Variants in TNFRSF8 observed in about 807,000 individuals in gnomAD.
The protein encoded by TNFRSF8 is tumor necrosis factor receptor superfamily member 8.
Under a neutral mutation model 70.8 loss-of-function variants are expected in TNFRSF8, and 26 were observed. That is an observed-to-expected ratio of 0.37 (90% CI 0.27 to 0.51). TNFRSF8 has a LOEUF of 0.51. Among genes scored for constraint, TNFRSF8 ranks in the 20% least tolerant of loss-of-function variants. The pLI is 0.94. For missense variants in TNFRSF8, 720 were observed against 807.9 expected (o/e 0.89, Z 1.32); for synonymous variants, 356 against 339.2 (o/e 1.05, Z -0.54).
chr1:12,077,011 G>A (rs113673770), intron 1 of TNFRSF8, among the ~76,000 whole-genome samples: 135 of 152,234 alleles, frequency 8.9e-4, no homozygotes, highest in African/African-American at 3.1e-3. Context: ...GCCCAACCAC[G>A]GCTGAAGAGA....
chr1:12,133,823 C>T (rs1211477071), intron 12 of TNFRSF8, among the ~76,000 whole-genome samples: 4 of 150,958 alleles, frequency 2.6e-5, no homozygotes, highest in Non-Finnish European at 4.4e-5. Flanking sequence ...GAGGCCGAGG[C>T]GGGCAGATCA....
Position 12,126,182 on chromosome 1 carries a change from G to C in TNFRSF8, c.1256-1G>C. 1 of 1,614,130 alleles carries C rather than the reference G, an allele frequency of 6.2e-7. No homozygotes were observed. The highest frequency in any genetic ancestry group is 2.2e-5 in the East Asian group (1 of 44,876). ...CAGCCTTCCTCCTGGTGTCGTTTCA[G>C]AGCTCCACCTGTGCTACCCGGTCCA... On this transcript the variant is annotated splice_acceptor_variant, in intron 11 of 14. Transcript: ENST00000263932. LOFTEE classifies it high-confidence loss of function.
chr1:12,066,951 C>A (rs1262162764), intron 1 of TNFRSF8, among the ~76,000 whole-genome samples: 2 of 152,206 alleles, frequency 1.3e-5, no homozygotes, highest in Non-Finnish European at 2.9e-5. Context: ...CCGTGCCCAT[C>A]CTGAAGTTCT....
In TNFRSF8 at chr1:12,109,752, G is replaced by A; in HGVS notation, c.512+96G>A. Reference sequence around the variant, plus strand: ...GACGCCCATGGTACAACTGGGCTGGGGGTGTAAGCGGGATTCAGCCCATGG... The same window carrying A: ...GACGCCCATGGTACAACTGGGCTGGAGGTGTAAGCGGGATTCAGCCCATGG... On this transcript the variant is annotated intron_variant, in intron 5 of 14. Transcript: ENST00000263932. This position sits in a 1 kb window ranked among gnomAD's most constrained non-coding sequence, Gnocchi z 4.4. 9.2e-7 allele frequency: 1 copy of A among 1,083,044 alleles called. No individual in the cohort carries two copies. The highest frequency in any genetic ancestry group is 2.4e-5 in the East Asian group (1 of 40,872). The allele number at this position is 1,083,044 out of a possible 1,614,324, so 67.1% of individuals were successfully genotyped here.
intron 12 of TNFRSF8, among the ~76,000 whole-genome samples, chr1:12,129,570 T>C (rs1354785477): frequency 6.6e-6 from 1 of 152,212 alleles, no homozygotes; most frequent in East Asian, 1.9e-4. Context: ...AGGCGTTTCT[T>C]TCACTTACTG....
At chr1:12,107,801 CCT>C (rs1641551471) in intron 4 of TNFRSF8, among the ~76,000 whole-genome samples, 1 of 152,152 alleles carries the variant, frequency 6.6e-6, no homozygotes. Context: ...GCAGTTTCTG[CCT>C]CCAGTCAGCC....
rs560533982 is a variant in TNFRSF8, at chr1:12,134,669, G to T, written c.1310-919G>T. On this transcript the variant is annotated intron_variant, in intron 12 of 14. Coordinates refer to ENST00000263932, the MANE Select transcript of TNFRSF8 (RefSeq NM_001243.5). Reference sequence around the variant, plus strand: ...AAGGCTGCCACCTGGGTGCTTTCAGGCACAAGAAAGAGAAAATCGAAGTCC... The same window carrying T: ...AAGGCTGCCACCTGGGTGCTTTCAGTCACAAGAAAGAGAAAATCGAAGTCC... Among the ~76,000 whole-genome samples the T allele has an allele frequency of 2.6e-4, 40 of 152,338 alleles. No homozygotes were observed. The South Asian group carries it at 7.7e-3, about 29-fold the overall frequency.
chr1:12,082,685 A>G (rs1309890630), intron 1 of TNFRSF8, among the ~76,000 whole-genome samples: 2 of 152,212 alleles, frequency 1.3e-5, no homozygotes, highest in Non-Finnish European at 1.5e-5. Flanking sequence ...CTTGAATATG[A>G]ACGATTAAAC....
At chr1:12,084,344 C>T (rs545141561) in intron 1 of TNFRSF8, 120 bp from the exon 2 acceptor site, 52 of 877,188 alleles carry the variant, frequency 5.9e-5, no homozygotes, top group Non-Finnish European at 8.4e-5. Flanking sequence ...CAGGAGTTCT[C>T]GTCCTGATTT....
intron 1 of TNFRSF8, among the ~76,000 whole-genome samples, chr1:12,082,328 T>C (rs1436848088): frequency 6.6e-6 from 1 of 152,090 alleles, no homozygotes; most frequent in African/African-American, 2.4e-5. Context: ...GGAGGATTAC[T>C]TGACCTCAGG....
rs544724057 is a variant in TNFRSF8 at position 12,064,189 on chromosome 1, G to T, written c.63+528G>T. Among the ~76,000 whole-genome samples the T allele has an allele frequency of 3.9e-5, 6 of 152,306 alleles. No individual in the cohort carries two copies. In the South Asian group the frequency reaches 1.2e-3, roughly 32 times the overall value. On this transcript the variant is annotated intron_variant, in intron 1 of 14. Transcript: ENST00000263932. ...TGGGGTGAGGGTGCAGGACCACCGG[G>T]ATTAGCTTCCCCAATCCGCGTCCGG...
chr1:12,069,169 C>T (rs1229030471), intron 1 of TNFRSF8, among the ~76,000 whole-genome samples: 12 of 124,478 alleles, frequency 9.6e-5, no homozygotes, highest in Admixed American at 9.8e-5. Context: ...CTGCACCCGG[C>T]CTTTTTTTTT....
chr1:12,082,925 T>G (rs1375595638), intron 1 of TNFRSF8, among the ~76,000 whole-genome samples: 1 of 151,880 alleles, frequency 6.6e-6, no homozygotes, highest in Admixed American at 6.6e-5. Context: ...AAGCCGTGTA[T>G]CTAGAATATG....
At chr1:12,123,654 C>A in intron 9 of TNFRSF8, 61 bp from the exon 10 acceptor site, 1 of 1,382,438 alleles carries the variant, frequency 7.2e-7, no homozygotes, top group Non-Finnish European at 1.0e-6. Flanking sequence ...GGGAATTATT[C>A]CTGAAGACCC....
intron 1 of TNFRSF8, among the ~76,000 whole-genome samples, chr1:12,081,940 C>T (rs969075820): frequency 7.2e-5 from 11 of 152,050 alleles, no homozygotes; most frequent in African/African-American, 2.4e-4. Flanking sequence ...AGGCTTCCTC[C>T]CTGCCTCTTG....
rs945615358 is a variant in TNFRSF8, at chr1:12,143,289, G to T, written c.*758G>T. On this transcript the variant is annotated 3_prime_UTR_variant, in exon 15 of 15. Transcript: ENST00000263932. The surrounding 1 kb of genome is among the most constrained non-coding windows in gnomAD (Gnocchi z 4.1). ...CCCACCAATCCCCGCCACAGCAGGCGCCTCGGGTCCCAGATGTCTGCAGCC... is the reference window on the plus strand; with the variant it reads ...CCCACCAATCCCCGCCACAGCAGGCTCCTCGGGTCCCAGATGTCTGCAGCC... The T allele has an allele frequency of 6.6e-6, 1 of 152,484 alleles. No homozygotes were observed. The highest frequency in any genetic ancestry group is 1.5e-5 in the Non-Finnish European group (1 of 68,152). The allele number at this position is 152,484 out of a possible 1,614,324, so 9.4% of individuals were successfully genotyped here.
At position 12,119,432 on chromosome 1, in the gene TNFRSF8, A is replaced by G. The variant is rs1641790532; in HGVS notation, c.946+3703A>G. Among the ~76,000 whole-genome samples, 1 of 152,166 alleles carries G rather than the reference A, an allele frequency of 6.6e-6. No individual in the cohort carries two copies. Among genetic ancestry groups the G allele is most frequent in the Non-Finnish European group, 1.5e-5 (1 of 68,020 alleles). On this transcript the variant is annotated intron_variant, in intron 8 of 14. Coordinates refer to ENST00000263932, the MANE Select transcript of TNFRSF8 (RefSeq NM_001243.5). This position sits in a 1 kb window ranked among gnomAD's most constrained non-coding sequence, Gnocchi z 4.4. ...GACCTACCAAGAGCAAAGCAGGATTAATGGAAATTACCCACGCTACATGTA... is the reference window on the plus strand; with the variant it reads ...GACCTACCAAGAGCAAAGCAGGATTGATGGAAATTACCCACGCTACATGTA...
chr1:12,077,227 T>G (rs975716703), intron 1 of TNFRSF8, among the ~76,000 whole-genome samples: 2 of 152,192 alleles, frequency 1.3e-5, no homozygotes, highest in African/African-American at 4.8e-5. Context: ...CCTGGCCAAA[T>G]GTCCACACAT....
intron 12 of TNFRSF8, among the ~76,000 whole-genome samples, chr1:12,128,312 T>A (rs1641979156): frequency 6.6e-6 from 1 of 152,162 alleles, no homozygotes; most frequent in Admixed American, 6.5e-5. Flanking sequence ...GCCTCCCACA[T>A]CCCAGACCTG....
Sources: gnomAD v4.1 joint callset for allele counts (sites outside exome capture counted in the v4.1 genomes callset) on GRCh38, gnomAD v4.1.1 for gene constraint, Gnocchi (gnomAD v3.1) non-coding constraint, MANE v1.5 for transcripts, NCBI Gene and HGNC (gene_info 2026-07-23, HGNC 2026-07-21) for gene names.